The following RAD51B variants were observed in gnomAD, a reference collection of about 807,000 sequenced individuals.
RAD51B encodes the protein DNA repair protein RAD51 homolog 2.
A neutral mutation model predicts 42.2 loss-of-function variants in RAD51B; 38 were observed. That is an observed-to-expected ratio of 0.90 (90% CI 0.70 to 1.18). The LOEUF (loss-of-function observed/expected upper bound fraction) is 1.18, where lower values mean the gene tolerates loss of function less well. RAD51B is among the 50% of genes most tolerant of loss of function. The pLI is 0.00. For missense variants in RAD51B, 373 were observed against 400.7 expected (o/e 0.93, Z 0.59); for synonymous variants, 154 against 145.2 (o/e 1.06, Z -0.43).
chr14:68,308,973 G>C (rs770560400), intron 8 of RAD51B, among the ~76,000 whole-genome samples: 28 of 152,160 alleles, frequency 1.8e-4, no homozygotes, highest in Admixed American at 9.2e-4. Flanking sequence ...TTACAAAACA[G>C]AGGGAAAAAT....
intron 8 of RAD51B, among the ~76,000 whole-genome samples, chr14:68,371,346 G>A (rs562803370): frequency 3.3e-5 from 5 of 152,064 alleles, no homozygotes; most frequent in East Asian, 3.9e-4. Flanking sequence ...GTGAAACCCC[G>A]TCTCTACTAA....
At chr14:68,076,864 A>G (rs894934018) in intron 7 of RAD51B, among the ~76,000 whole-genome samples, 5 of 152,214 alleles carry the variant, frequency 3.3e-5, no homozygotes, top group African/African-American at 1.2e-4. Flanking sequence ...AGGAAATATT[A>G]TATAGATAGG....
intron 7 of RAD51B, among the ~76,000 whole-genome samples, chr14:68,022,427 A>C (rs1346662723): frequency 6.6e-6 from 1 of 151,952 alleles, no homozygotes; most frequent in African/African-American, 2.4e-5. Flanking sequence ...AGAATGATTT[A>C]TTTTCTTTCA....
At chr14:68,556,189 C>T (rs1369988214) in intron 10 of RAD51B, among the ~76,000 whole-genome samples, 6 of 152,178 alleles carry the variant, frequency 3.9e-5, no homozygotes, top group Admixed American at 3.3e-4. Context: ...CATGGGGAAA[C>T]AGCAGGGAAC....
chr14:68,157,124 G>A (rs1172551670), intron 7 of RAD51B, among the ~76,000 whole-genome samples: 2 of 152,162 alleles, frequency 1.3e-5, no homozygotes, highest in Non-Finnish European at 2.9e-5. Context: ...TTGAGCCTGG[G>A]TGGTTGAGTC....
rs537073885 is a variant in RAD51B, at chr14:68,045,236, C to CAAAA, written c.756+158056_756+158059dup. On this transcript the variant is annotated intron_variant, in intron 7 of 10. Coordinates refer to ENST00000471583, the MANE Select transcript of RAD51B (RefSeq NM_133510.4). ...GGGCAACAAGAGCGAAACTCTGTCT[C>CAAAA]AAAAAAAAAAAAAAAAAAAAAAAAA... Among the ~76,000 whole-genome samples, 69 of 22,064 alleles carry CAAAA rather than the reference C, an allele frequency of 3.1e-3. 2 individuals carry two copies. The highest frequency in any genetic ancestry group is 6.5e-3 in the African/African-American group (36 of 5,558). 14.5% of individuals were successfully genotyped at this position (22,064 alleles called of 152,430 possible).
At chr14:67,874,987 G>T (rs77418647) in intron 5 of RAD51B, among the ~76,000 whole-genome samples, 1 of 152,100 alleles carries the variant, frequency 6.6e-6, no homozygotes, top group East Asian at 1.9e-4. Context: ...ATAAAGGAAA[G>T]TAAAGTTGGG....
chr14:68,128,050 T>C (rs1395070747), intron 7 of RAD51B, among the ~76,000 whole-genome samples: 1 of 152,170 alleles, frequency 6.6e-6, no homozygotes, highest in Non-Finnish European at 1.5e-5. Flanking sequence ...CCCATAAAAA[T>C]TCGTTAGCTT....
chr14:68,675,949 T>C (rs1595059434), intron 11 of RAD51B, among the ~76,000 whole-genome samples: 3 of 152,310 alleles, frequency 2.0e-5, no homozygotes, highest in Non-Finnish European at 4.4e-5. Flanking sequence ...CTAGGGCAGA[T>C]AGGGCCAGGC....
At chr14:67,900,313 A>G (rs1418745560) in intron 7 of RAD51B, among the ~76,000 whole-genome samples, 1 of 152,182 alleles carries the variant, frequency 6.6e-6, no homozygotes, top group African/African-American at 2.4e-5. Context: ...CTTGTAGCTT[A>G]AGTCTTGTAA....
chr14:68,436,605 T>G (rs569796827), intron 9 of RAD51B, among the ~76,000 whole-genome samples: 2 of 152,212 alleles, frequency 1.3e-5, no homozygotes, highest in Non-Finnish European at 2.9e-5. Context: ...GCAGGTTTCT[T>G]TGCACAGTAT....
rs1044436728 is a variant in RAD51B at position 68,519,236 on chromosome 14, A to G, written c.1036+50986A>G. 3.9e-5 allele frequency among the ~76,000 whole-genome samples: 6 copies of G among 152,212 alleles called. No individual in the cohort carries two copies. The East Asian group carries it at 1.2e-3, about 29-fold the overall frequency. ...AAAGTATGATTCTCAGACCAATTAC[A>G]TAGGAATTTCCTAGAGATCAGAAAT... On this transcript the variant is annotated intron_variant, in intron 10 of 10. Transcript: ENST00000487270.
At chr14:68,637,622 T>C (rs2140127589) in intron 10 of RAD51B, among the ~76,000 whole-genome samples, 1 of 152,294 alleles carries the variant, frequency 6.6e-6, no homozygotes, top group South Asian at 2.1e-4. Flanking sequence ...GTCAGCAACA[T>C]TTGGATCCCA....
At chr14:67,854,334 G>C (rs576847770) in intron 4 of RAD51B, among the ~76,000 whole-genome samples, 1 of 152,292 alleles carries the variant, frequency 6.6e-6, no homozygotes, top group South Asian at 2.1e-4. Context: ...TAAAATTAAA[G>C]TTATATTTAA....
At chr14:67,893,403 C>G (rs540390130) in intron 7 of RAD51B, among the ~76,000 whole-genome samples, 35 of 150,834 alleles carry the variant, frequency 2.3e-4, no homozygotes, top group African/African-American at 7.1e-4. Flanking sequence ...GATCACTTGG[C>G]CAGGAGCTAG....
At chr14:67,879,230 C>T (rs189754317) in intron 5 of RAD51B, among the ~76,000 whole-genome samples, 1 of 152,320 alleles carries the variant, frequency 6.6e-6, no homozygotes, top group Admixed American at 6.5e-5. Context: ...AAGGAAGTCT[C>T]AGCTCTGCTG....
chr14:68,604,543 G>C (rs1595019370), intron 10 of RAD51B, among the ~76,000 whole-genome samples: 1 of 152,206 alleles, frequency 6.6e-6, no homozygotes, highest in African/African-American at 2.4e-5. Context: ...CAGGGGGCCA[G>C]CTCCATGTCC....
intron 7 of RAD51B, among the ~76,000 whole-genome samples, chr14:67,922,827 G>C (rs1415771036): frequency 6.6e-6 from 1 of 152,088 alleles, no homozygotes; most frequent in Non-Finnish European, 1.5e-5. Flanking sequence ...AAGTAGCTGG[G>C]ATTATAGGCG....
chr14:68,545,464 G>A (rs965245265), intron 10 of RAD51B: 15 of 419,726 alleles, frequency 3.6e-5, no homozygotes, highest in Non-Finnish European at 6.3e-5. Flanking sequence ...TGTGTGCCAG[G>A]CATTTTTTTT....
Sources: gnomAD v4.1 joint callset for allele counts (sites outside exome capture counted in the v4.1 genomes callset) on GRCh38, gnomAD v4.1.1 for gene constraint, MANE v1.5 for transcripts, NCBI Gene and HGNC (gene_info 2026-07-23, HGNC 2026-07-21) for gene names.